The following ZNF550 variants were observed in gnomAD, a reference collection of about 807,000 sequenced individuals.
The protein encoded by ZNF550 is zinc finger protein 550.
ZNF550 carries 42 observed loss-of-function variants against 40.2 expected under a neutral mutation model. The observed-to-expected ratio is 1.05, with a 90% CI of 0.82 to 1.35. The LOEUF (loss-of-function observed/expected upper bound fraction) is 1.35, where lower values mean the gene tolerates loss of function less well. Among genes scored for constraint, ZNF550 ranks in the 40% most tolerant of loss-of-function variants. The pLI is 0.00. For missense variants in ZNF550, 549 were observed against 525.2 expected, an observed-to-expected ratio of 1.05 and a Z score of -0.44; for synonymous variants, 223 against 198.6, an observed-to-expected ratio of 1.12 and a Z score of -1.03.
At chr19:57,552,157 C>A (rs756274132) in intron 3 of ZNF550, among the ~76,000 whole-genome samples, 73 of 152,214 alleles carry the variant, frequency 4.8e-4, no homozygotes, top group Non-Finnish European at 8.8e-4. Context: ...TCTAACAACT[C>A]AATGACACAG....
exon 1 of ZNF550, chr19:57,559,809 G>A: frequency 1.2e-6 from 1 of 856,236 alleles, no homozygotes; most frequent in Non-Finnish European, 1.6e-6. Flanking sequence ...AGTTCTGAGA[G>A]CGCGGACCAA....
exon 4 of ZNF550, chr19:57,547,459 A>C: frequency 6.2e-7 from 1 of 1,614,062 alleles, no homozygotes; most frequent in South Asian, 1.1e-5. Flanking sequence ...CCCACACTCA[A>C]GGCACTTGTA....
At chr19:57,559,699 C>A (rs983567589) in exon 1 of ZNF550, 14 of 1,488,736 alleles carry the variant, frequency 9.4e-6, no homozygotes, top group Non-Finnish European at 9.9e-6. Flanking sequence ...GTTGGCAGGA[C>A]GAGGCCGCGT....
chr19:57,551,793 G>C (rs2090074851), intron 3 of ZNF550, among the ~76,000 whole-genome samples: 1 of 152,232 alleles, frequency 6.6e-6, no homozygotes, highest in African/African-American at 2.4e-5. Context: ...AATGGCTCCA[G>C]CTACACTCAT....
rs1197751242 is a variant in ZNF550 at position 57,554,815 on chromosome 19, A to G, written c.154+1416T>C. On this transcript the variant is annotated intron_variant, in intron 2 of 4. Coordinates refer to ENST00000457177, the Ensembl canonical transcript of ZNF550. The surrounding 1 kb of genome is among the most constrained non-coding windows in gnomAD (Gnocchi z 4.5). Reference sequence around the variant, plus strand: ...AGCTGAGCTCCCTGTCACTTTTCACACGCTGGTTCCTCCACCTGGAACACT... The same window carrying G: ...AGCTGAGCTCCCTGTCACTTTTCACGCGCTGGTTCCTCCACCTGGAACACT... 1 of 152,252 alleles carries G rather than the reference A, an allele frequency of 6.6e-6. No homozygotes were observed. Among genetic ancestry groups the G allele is most frequent in the Non-Finnish European group, 1.5e-5 (1 of 68,052 alleles). 9.4% of individuals were successfully genotyped at this position (152,252 alleles called of 1,614,324 possible).
intron 1 of ZNF550, chr19:57,557,347 G>T (rs1200874968): frequency 6.6e-6 from 1 of 151,906 alleles, no homozygotes; most frequent in African/African-American, 2.4e-5. Context: ...GAGATGTTTG[G>T]GTAAAGTCAA....
At chr19:57,558,500 G>C (rs1026576401) in intron 1 of ZNF550, among the ~76,000 whole-genome samples, 6 of 152,144 alleles carry the variant, frequency 3.9e-5, no homozygotes, top group African/African-American at 1.2e-4. Context: ...AAGCCTGGCT[G>C]TTCTGGGTCT....
intron 2 of ZNF550, 106 bp downstream of exon 2, chr19:57,556,125 G>T: frequency 6.9e-7 from 1 of 1,450,132 alleles, no homozygotes; most frequent in Non-Finnish European, 9.7e-7. Context: ...GAAGAGGTGG[G>T]AACAGAAAGG....
chr19:57,547,219 G>A (rs781405675), exon 4 of ZNF550: 3 of 1,614,094 alleles, frequency 1.9e-6, no homozygotes, highest in Non-Finnish European at 2.5e-6. Flanking sequence ...GCAATCATAG[G>A]GCTTCTCTCC....
intron 1 of ZNF550, among the ~76,000 whole-genome samples, chr19:57,558,115 A>G (rs1009310518): frequency 2.0e-5 from 3 of 152,198 alleles, no homozygotes; most frequent in Admixed American, 6.5e-5. Flanking sequence ...AGCACCGCTA[A>G]AACACCTCAC....
chr19:57,546,701 A>T (rs912451754), exon 4 of ZNF550: 2 of 1,199,728 alleles, frequency 1.7e-6, no homozygotes, highest in African/African-American at 1.5e-5. Flanking sequence ...TGTTGATGGA[A>T]TGCCTTCCAC....
exon 4 of ZNF550, chr19:57,547,026 C>T (rs1568596320): frequency 1.1e-5 from 18 of 1,613,614 alleles, no homozygotes; most frequent in Non-Finnish European, 1.4e-5. Context: ...GTTTGAAGGC[C>T]TTCCCACACT....
chr19:57,550,020 C>T (rs774271050), intron 3 of ZNF550, among the ~76,000 whole-genome samples: 114 of 152,280 alleles, frequency 7.5e-4, no homozygotes, highest in Non-Finnish European at 1.2e-3. Context: ...CTTGATGCAG[C>T]GCAAGTGTTC....
chr19:57,557,545 C>T (rs1427944693), intron 1 of ZNF550: 1 of 152,140 alleles, frequency 6.6e-6, no homozygotes, highest in Non-Finnish European at 1.5e-5. Context: ...AACTCAGAGA[C>T]TGGTGCTGGT....
At chr19:57,546,459 G>C in exon 4 of ZNF550, 1 of 986,266 alleles carries the variant, frequency 1.0e-6, no homozygotes. Flanking sequence ...GAAGATACCT[G>C]TAACTGAAGG....
intron 3 of ZNF550, among the ~76,000 whole-genome samples, chr19:57,548,874 C>T (rs1474613182): frequency 6.6e-6 from 1 of 152,132 alleles, no homozygotes; most frequent in African/African-American, 2.4e-5. Context: ...GGTGTGTATA[C>T]ACAATGGGGT....
chr19:57,561,302 G>A (rs1336346746), upstream of ZNF550, among the ~76,000 whole-genome samples: 2 of 152,154 alleles, frequency 1.3e-5, no homozygotes, highest in Non-Finnish European at 2.9e-5. This position sits in a 1 kb window ranked among gnomAD's most constrained non-coding sequence, Gnocchi z 4.9. Context: ...GAACCAATAA[G>A]GCAGAGAGAA....
chr19:57,553,154 C>T (rs2090088719), intron 2 of ZNF550: 1 of 155,682 alleles, frequency 6.4e-6, no homozygotes, highest in South Asian at 2.0e-4. Context: ...TCTTGGACTT[C>T]TCAGCCTCCA....
chr19:57,556,498 G>C, intron 1 of ZNF550, 141 bp from the exon 2 acceptor site: 2 of 1,047,076 alleles, frequency 1.9e-6, no homozygotes, highest in Non-Finnish European at 2.8e-6. Context: ...TCCGTGCAGG[G>C]CTCAAAGGGG....
Sources: allele counts gnomAD v4.1 joint callset (sites outside exome capture counted in the v4.1 genomes callset), GRCh38; gene constraint gnomAD v4.1.1; non-coding constraint Gnocchi (gnomAD v3.1); transcripts MANE v1.5; gene names NCBI Gene and HGNC (gene_info 2026-07-23, HGNC 2026-07-21).